The following NAALADL2 variants were observed in gnomAD, a reference collection of about 807,000 sequenced individuals.
NAALADL2 encodes the protein N-acetylated alpha-linked acidic dipeptidase like 2.
A neutral mutation model predicts 87.2 loss-of-function variants in NAALADL2; 76 were observed. That is an observed-to-expected ratio of 0.87 (90% CI 0.72 to 1.05). NAALADL2 has a LOEUF of 1.05. NAALADL2 is among the 50% of genes least tolerant of loss of function. The pLI is 0.00. For synonymous variants in NAALADL2, 354 were observed against 331.0 expected (o/e 1.07, Z -0.75); for missense variants, 1,089 against 945.8 (o/e 1.15, Z -1.99).
chr3:174,732,720 G>A (rs1390981426), intron 2 of NAALADL2, among the ~76,000 whole-genome samples: 2 of 152,106 alleles, frequency 1.3e-5, no homozygotes, highest in Non-Finnish European at 2.9e-5. Flanking sequence ...ATTAGTTATT[G>A]ATAAGTAAAG....
At chr3:175,535,821 G>A (rs1415477461) in intron 9 of NAALADL2, among the ~76,000 whole-genome samples, 1 of 152,158 alleles carries the variant, frequency 6.6e-6, no homozygotes, top group African/African-American at 2.4e-5. Flanking sequence ...CTCTTCCTGA[G>A]GTAGCATGAT....
intron 1 of NAALADL2, among the ~76,000 whole-genome samples, chr3:175,021,800 T>C (rs1751593110): frequency 1.3e-5 from 2 of 152,134 alleles, no homozygotes; most frequent in Non-Finnish European, 2.9e-5. Context: ...AATGCAAAAG[T>C]CTGTAAGTGC....
At chr3:174,639,653 T>C (rs190527348) in intron 2 of NAALADL2, among the ~76,000 whole-genome samples, 9 of 152,236 alleles carry the variant, frequency 5.9e-5, no homozygotes, top group African/African-American at 2.2e-4. Flanking sequence ...CAGGGAGAAA[T>C]GAACATTGCA....
chr3:175,680,612 A>G (rs938755810), intron 11 of NAALADL2, among the ~76,000 whole-genome samples: 3 of 152,184 alleles, frequency 2.0e-5, no homozygotes, highest in South Asian at 2.1e-4. Flanking sequence ...CTTATGAGAC[A>G]GATATCACTG....
intron 1 of NAALADL2, among the ~76,000 whole-genome samples, chr3:175,012,097 C>A (rs570383418): frequency 6.6e-6 from 1 of 152,060 alleles, no homozygotes; most frequent in Non-Finnish European, 1.5e-5. Context: ...ATTCCCTATA[C>A]GGGAGACAAC....
chr3:175,309,187 T>A (rs1407372559), intron 4 of NAALADL2, among the ~76,000 whole-genome samples: 3 of 152,060 alleles, frequency 2.0e-5, no homozygotes, highest in Non-Finnish European at 4.4e-5. Flanking sequence ...TCATGTATCT[T>A]TTTTTTTCTT....
chr3:174,607,173 A>T (rs1008919734), intron 2 of NAALADL2, among the ~76,000 whole-genome samples: 1 of 152,146 alleles, frequency 6.6e-6, no homozygotes, highest in East Asian at 1.9e-4. Flanking sequence ...TAAGTACTAA[A>T]CATGGAAAGG....
At chr3:175,055,233 C>T (rs144782979) in intron 1 of NAALADL2, among the ~76,000 whole-genome samples, 2,105 of 152,248 alleles carry the variant, frequency 0.014, 17 homozygotes, top group Non-Finnish European at 0.024. Context: ...TTCTCGCATA[C>T]GGCACAATCA....
At chr3:174,619,862 TAAC>T (rs1451082414) in intron 2 of NAALADL2, among the ~76,000 whole-genome samples, 2 of 152,000 alleles carry the variant, frequency 1.3e-5, no homozygotes, top group African/African-American at 4.8e-5. Flanking sequence ...AAAATAATAA[TAAC>T]AATAGTATTT....
At chr3:174,753,504 A>T (rs981563110) in intron 3 of NAALADL2, among the ~76,000 whole-genome samples, 6 of 152,120 alleles carry the variant, frequency 3.9e-5, no homozygotes, top group Non-Finnish European at 8.8e-5. Flanking sequence ...GGTGGCTTTA[A>T]TTCTTTTGGT....
intron 1 of NAALADL2, among the ~76,000 whole-genome samples, chr3:174,527,529 A>G (rs1720875539): frequency 6.6e-6 from 1 of 152,026 alleles, no homozygotes; most frequent in African/African-American, 2.4e-5. Flanking sequence ...CAAAAAAAAA[A>G]AAAAAGAAAG....
chr3:174,489,029 A>G, intron 1 of NAALADL2, among the ~76,000 whole-genome samples: 1 of 152,038 alleles, frequency 6.6e-6, no homozygotes, highest in Non-Finnish European at 1.5e-5. Flanking sequence ...TAAAGTGTGC[A>G]TTTCATTGCC....
At chr3:174,647,262 T>A (rs982239412) in intron 2 of NAALADL2, among the ~76,000 whole-genome samples, 1 of 152,164 alleles carries the variant, frequency 6.6e-6, no homozygotes, top group Non-Finnish European at 1.5e-5. Context: ...GTTGCATTGT[T>A]AGTAATTATC....
At chr3:175,252,715 G>A (rs1360346976) in intron 3 of NAALADL2, among the ~76,000 whole-genome samples, 2 of 152,144 alleles carry the variant, frequency 1.3e-5, no homozygotes, top group Admixed American at 6.5e-5. Context: ...GAATGCTAAG[G>A]AAAAGTTCTT....
At chr3:175,426,884 T>C (rs1423878226) in intron 5 of NAALADL2, among the ~76,000 whole-genome samples, 2 of 152,150 alleles carry the variant, frequency 1.3e-5, no homozygotes, top group Non-Finnish European at 2.9e-5. Flanking sequence ...AGTGCTGTAT[T>C]TGTAGGATGC....
At chr3:174,961,671 T>C (rs1048892582) in intron 1 of NAALADL2, among the ~76,000 whole-genome samples, 2 of 152,000 alleles carry the variant, frequency 1.3e-5, no homozygotes, top group Non-Finnish European at 2.9e-5. Flanking sequence ...ACTACTAGGA[T>C]TATAGTCTTG....
chr3:175,509,755 T>C (rs1730871195), intron 9 of NAALADL2, among the ~76,000 whole-genome samples: 1 of 152,210 alleles, frequency 6.6e-6, no homozygotes, highest in Admixed American at 6.5e-5. Flanking sequence ...AGAGGTTTAA[T>C]TGACCCAGAG....
intron 1 of NAALADL2, among the ~76,000 whole-genome samples, chr3:174,455,105 T>C (rs1025693854): frequency 3.3e-5 from 5 of 152,048 alleles, no homozygotes; most frequent in African/African-American, 1.2e-4. Context: ...TGAACACCTC[T>C]GTGCATACAA....
intron 1 of NAALADL2, among the ~76,000 whole-genome samples, chr3:175,050,693 A>G (rs1163560778): frequency 6.6e-6 from 1 of 152,212 alleles, no homozygotes; most frequent in Non-Finnish European, 1.5e-5. Context: ...CTATAAAGGT[A>G]AAGTTTTTCT....
Sources: allele counts gnomAD v4.1 joint callset (sites outside exome capture counted in the v4.1 genomes callset), GRCh38; gene constraint gnomAD v4.1.1; transcripts MANE v1.5; gene names NCBI Gene and HGNC (gene_info 2026-07-23, HGNC 2026-07-21).